The following ADGRL2 variants were observed in gnomAD, a reference collection of about 807,000 sequenced individuals.
ADGRL2 encodes calcium-independent alpha-latrotoxin receptor 2.
ADGRL2 carries 44 observed loss-of-function variants against 157.4 expected under a neutral mutation model. The ratio of observed to expected loss-of-function variants is 0.28; its 90% CI spans 0.22 to 0.36. The LOEUF is 0.36. Among genes scored for constraint, ADGRL2 ranks in the 10% least tolerant of loss-of-function variants. The pLI, the probability that ADGRL2 is intolerant of heterozygous loss-of-function variation, is 1.00. For missense variants in ADGRL2, 1,510 were observed against 1,768.9 expected, an observed-to-expected ratio of 0.85 and a Z score of 2.63; for synonymous variants, 585 against 624.7, an observed-to-expected ratio of 0.94 and a Z score of 0.95.
chr1:81,737,500 C>T (rs772545304), intron 1 of ADGRL2, among the ~76,000 whole-genome samples: 1 of 152,264 alleles, frequency 6.6e-6, no homozygotes, highest in East Asian at 1.9e-4. Context: ...GGTCCCTCCC[C>T]CAACACTGGG....
chr1:81,760,721 C>A (rs971525923), intron 1 of ADGRL2, among the ~76,000 whole-genome samples: 2 of 145,994 alleles, frequency 1.4e-5, no homozygotes, highest in Non-Finnish European at 1.5e-5. Context: ...CTTAAAAATA[C>A]TTTTTTTTTT....
chr1:81,862,443 C>A (rs1418202981), intron 2 of ADGRL2, among the ~76,000 whole-genome samples: 1 of 152,146 alleles, frequency 6.6e-6, no homozygotes, highest in East Asian at 1.9e-4. Context: ...GTACTCTTTT[C>A]ATTTAGCCAA....
At chr1:81,955,338 G>GT (rs67444684) in intron 10 of ADGRL2, among the ~76,000 whole-genome samples, 91 of 149,408 alleles carry the variant, frequency 6.1e-4, no homozygotes, top group East Asian at 1.2e-3. Context: ...ATGCCACCTT[G>GT]TTTTTTTTTT....
chr1:81,840,081 G>A (rs1468436152), intron 2 of ADGRL2, among the ~76,000 whole-genome samples: 1 of 151,624 alleles, frequency 6.6e-6, no homozygotes, highest in Non-Finnish European at 1.5e-5. Flanking sequence ...TTACTCTTGA[G>A]AAGCTCATGG....
intron 4 of ADGRL2, among the ~76,000 whole-genome samples, chr1:81,938,743 G>A (rs527411556): frequency 2.0e-5 from 3 of 151,280 alleles, no homozygotes; most frequent in East Asian, 1.9e-4. Context: ...TAAATTGCAC[G>A]GTTTCAACTA....
chr1:81,941,353 G>A (rs894271980), intron 4 of ADGRL2, among the ~76,000 whole-genome samples: 9 of 151,322 alleles, frequency 5.9e-5, no homozygotes, highest in African/African-American at 2.2e-4. Flanking sequence ...GTGATGGGGG[G>A]ATATTGATAT....
intron 2 of ADGRL2, among the ~76,000 whole-genome samples, chr1:81,868,774 A>G (rs541354437): frequency 1.3e-5 from 2 of 151,824 alleles, no homozygotes; most frequent in South Asian, 2.1e-4. Context: ...CTGTTTATCT[A>G]TTTTACATCT....
intron 1 of ADGRL2, among the ~76,000 whole-genome samples, chr1:81,712,778 T>TTTTG (rs2083976080): frequency 8.4e-6 from 1 of 119,558 alleles, no homozygotes; most frequent in African/African-American, 3.0e-5. Context: ...TTTTTTTTTT[T>TTTTG]TTGAGACAGA....
chr1:81,800,831 C>A (rs2087942503), upstream of ADGRL2, among the ~76,000 whole-genome samples: 1 of 140,544 alleles, frequency 7.1e-6, no homozygotes, highest in South Asian at 2.2e-4. Flanking sequence ...GAGCTGGAGG[C>A]AGAGCTCGGG....
In ADGRL2 at chr1:81,756,991, T is replaced by C. The variant is rs111247895; in HGVS notation, c.-142-4820T>C. ...AAGTCATAGTGACACTTTGGTTTAC[T>C]AGGAGTGTCTTTTGGATCAAAAAGT... is the stretch of plus-strand genomic sequence containing the variant. On this transcript the variant is annotated intron_variant, in intron 1 of 20. Transcript: ENST00000359929. 2.8e-3 allele frequency among the ~76,000 whole-genome samples: 420 copies of C among 152,308 alleles called. 8 individuals are homozygous for C. In the South Asian group the frequency reaches 0.041, roughly 15 times the overall value.
chr1:81,808,281 A>G (rs2089421751), intron 1 of ADGRL2, among the ~76,000 whole-genome samples: 1 of 152,088 alleles, frequency 6.6e-6, no homozygotes, highest in Admixed American at 6.6e-5. Flanking sequence ...AAATCAATTT[A>G]GGTTGAAAAA....
chr1:81,557,482 G>GAAGAAA (rs1553123700), intron 2 of ADGRL2: 2 of 119,968 alleles, frequency 1.7e-5, no homozygotes, highest in Non-Finnish European at 3.5e-5. Flanking sequence ...AAGAAAGAAA[G>GAAGAAA]AAGAAAGAAA....
At chr1:81,614,258 C>T (rs6669188) in intron 3 of ADGRL2, among the ~76,000 whole-genome samples, 4,133 of 152,228 alleles carry the variant, frequency 0.027, 176 homozygotes, top group African/African-American at 0.094. Flanking sequence ...TAATCCCCTA[C>T]GAGGGTACAT....
At chr1:81,938,221 C>A (rs1476746972) in intron 4 of ADGRL2, among the ~76,000 whole-genome samples, 2 of 151,592 alleles carry the variant, frequency 1.3e-5, no homozygotes, top group Non-Finnish European at 3.0e-5. Flanking sequence ...TTGACCTAAC[C>A]AAAATTTTGT....
intron 1 of ADGRL2, among the ~76,000 whole-genome samples, chr1:81,394,522 T>C (rs1361911915): frequency 6.6e-6 from 1 of 152,224 alleles, no homozygotes; most frequent in Non-Finnish European, 1.5e-5. Flanking sequence ...CTTATATATG[T>C]TGCCACAAAT....
At chr1:81,684,295 A>T (rs1026025580) in intron 3 of ADGRL2, among the ~76,000 whole-genome samples, 3 of 152,166 alleles carry the variant, frequency 2.0e-5, no homozygotes, top group East Asian at 1.9e-4. Flanking sequence ...ATCAACATCT[A>T]CTGTTTTTTA....
chr1:81,434,431 C>G (rs1022224103), intron 1 of ADGRL2, among the ~76,000 whole-genome samples: 12 of 152,042 alleles, frequency 7.9e-5, no homozygotes, highest in African/African-American at 2.7e-4. Context: ...TATTGTCTCT[C>G]TCTCCTACCC....
chr1:81,383,030 T>C (rs2076369884), intron 1 of ADGRL2, among the ~76,000 whole-genome samples: 1 of 152,212 alleles, frequency 6.6e-6, no homozygotes, highest in South Asian at 2.1e-4. Context: ...AGTCAGGCAC[T>C]GCCTTAGTGT....
chr1:81,406,653 G>T (rs2076858568), intron 1 of ADGRL2, among the ~76,000 whole-genome samples: 1 of 152,122 alleles, frequency 6.6e-6, no homozygotes, highest in East Asian at 1.9e-4. Flanking sequence ...CATTGCTATT[G>T]ATATTTTTCT....
Sources: allele counts gnomAD v4.1 joint callset (sites outside exome capture counted in the v4.1 genomes callset), GRCh38; gene constraint gnomAD v4.1.1; transcripts MANE v1.5; gene names NCBI Gene and HGNC (gene_info 2026-07-23, HGNC 2026-07-21).